Variants in POTEE observed in about 807,000 individuals in gnomAD.
POTEE encodes the protein ANKRD26-like family C member 1A.
POTEE carries 21 observed loss-of-function variants against 74.2 expected under a neutral mutation model. The ratio of observed to expected loss-of-function variants is 0.28; its 90% confidence interval spans 0.20 to 0.41. The LOEUF (loss-of-function observed/expected upper bound fraction) is 0.41, where lower values mean the gene tolerates loss of function less well. Among genes scored for constraint, POTEE ranks in the 10% least tolerant of loss-of-function variants. POTEE has a pLI of 1.00. For synonymous variants in POTEE, 211 were observed against 432.8 expected, an observed-to-expected ratio of 0.49 and a Z score of 6.36; for missense variants, 525 against 1,158.6, an observed-to-expected ratio of 0.45 and a Z score of 7.94.
chr2:131,211,668 T>A (rs1700362574), intron 2 of POTEE, among the ~76,000 whole-genome samples: 1 of 147,522 alleles, frequency 6.8e-6, no homozygotes, highest in Non-Finnish European at 1.5e-5. Context: ...TCCTCCTGCC[T>A]CAGCCTCCCT....
rs1251130356 is a variant in POTEE at position 131,218,757 on chromosome 2, G to A, written c.355G>A (p.Ala119Thr). The A allele has an allele frequency of 2.8e-5, 45 of 1,612,762 alleles. No individual in the cohort carries two copies. Among genetic ancestry groups the A allele is most frequent in the Middle Eastern group, 1.8e-4 (1 of 5,424 alleles). Residue 119 changes from alanine (A) to threonine (T), a missense_variant, in exon 4 of 18, where the codon GCT becomes ACT. Coordinates refer to ENST00000683005, the MANE Select transcript of POTEE (RefSeq NM_001083538.3). ...CRGSGKSKVG[A>T]WGDYDDSAFM... ...GGGGAGCGGCAAGAGCAAGGTGGGCGCTTGGGGAGACTACGATGACAGCGC... is the reference window on the plus strand; with the variant it reads ...GGGGAGCGGCAAGAGCAAGGTGGGCACTTGGGGAGACTACGATGACAGCGC...
At chr2:131,237,275 T>G (rs2105103521) in intron 10 of POTEE, among the ~76,000 whole-genome samples, 1 of 151,712 alleles carries the variant, frequency 6.6e-6, no homozygotes, top group East Asian at 2.0e-4. Context: ...GGATTCATGG[T>G]TAAGGAGTAA....
chr2:131,217,722 C>G (rs1455030942), intron 3 of POTEE, among the ~76,000 whole-genome samples, 39 bp downstream of exon 3: 1 of 150,640 alleles, frequency 6.6e-6, no homozygotes, highest in Non-Finnish European at 1.5e-5. Context: ...TGCCACGTGC[C>G]CTGACGCCAC....
At chr2:131,235,480 G>A (rs1476230456) in intron 9 of POTEE, among the ~76,000 whole-genome samples, 8 of 152,078 alleles carry the variant, frequency 5.3e-5, no homozygotes, top group East Asian at 1.9e-4. Context: ...CAAGGAAGAC[G>A]TTCTCATAGC....
chr2:131,236,881 A>T, intron 10 of POTEE, 79 bp downstream of exon 10: 2 of 492,176 alleles, frequency 4.1e-6, no homozygotes, highest in Non-Finnish European at 6.2e-6. Context: ...TCCAAATGAA[A>T]TTACCTTTCA....
At chr2:131,228,828 T>G (rs1280923297) in intron 8 of POTEE, among the ~76,000 whole-genome samples, 2 of 146,202 alleles carry the variant, frequency 1.4e-5, no homozygotes, top group African/African-American at 2.8e-5. Flanking sequence ...CAGTCCCTTT[T>G]ATCAAGTCAG....
chr2:131,212,897 C>T (rs1473831136), intron 2 of POTEE, among the ~76,000 whole-genome samples: 1 of 151,272 alleles, frequency 6.6e-6, no homozygotes, highest in African/African-American at 2.4e-5. Context: ...TTGCCATCTG[C>T]CTGAGCAAAC....
At position 131,225,177 on chromosome 2, in the gene POTEE, TCAA is replaced by T. The variant is rs1463749751; in HGVS notation, c.810+1138_810+1140del. The stretch of plus-strand genomic sequence containing the variant: ...TAACCTGAGGAAAATGTTTAAATAA[TCAA>T]CAAGTCTAGGCTTTTTCTGAATATT... On this transcript the variant is annotated intron_variant, in intron 6 of 17. Transcript: ENST00000683005. Among the ~76,000 whole-genome samples the T allele has an allele frequency of 4.9e-5, 7 of 144,110 alleles. No homozygotes were observed. In the East Asian group the frequency reaches 1.4e-3, roughly 30 times the overall value. 94.5% of individuals were successfully genotyped at this position (144,110 alleles called of 152,430 possible).
At chr2:131,224,796 A>G (rs1573705807) in intron 6 of POTEE, among the ~76,000 whole-genome samples, 2 of 151,672 alleles carry the variant, frequency 1.3e-5, no homozygotes, top group East Asian at 1.9e-4. Context: ...ATAGGTGGTA[A>G]TGTAAGAGGA....
chr2:131,219,654 G>A (rs182083028), intron 4 of POTEE, among the ~76,000 whole-genome samples: 4 of 151,914 alleles, frequency 2.6e-5, no homozygotes, highest in African/African-American at 4.8e-5. Flanking sequence ...GGAGAATGGC[G>A]TGAACCCGGG....
chr2:131,260,597 T>G (rs1010327296), intron 16 of POTEE, among the ~76,000 whole-genome samples: 7 of 149,538 alleles, frequency 4.7e-5, no homozygotes, highest in Non-Finnish European at 1.0e-4. Context: ...GATTGGATTG[T>G]TGATATGAAC....
At chr2:131,232,943 C>A (rs1256929288) in intron 9 of POTEE, among the ~76,000 whole-genome samples, 1 of 151,954 alleles carries the variant, frequency 6.6e-6, no homozygotes, top group South Asian at 2.1e-4. Flanking sequence ...TGGGTCACAC[C>A]ACATGCTCAT....
chr2:131,226,935 G>A lies in POTEE; in HGVS notation c.917+6G>A, dbSNP rs1559177494. ...GCACTGGATAGATATGGAAGGTATA[G>A]TTCTTTCTTTTAATCTGTGTGTTCT... On this transcript the variant is annotated splice_donor_region_variant and intron_variant, in intron 7 of 17. Transcript: ENST00000683005. 3.7e-6 allele frequency: 6 copies of A among 1,608,804 alleles called. No individual in the cohort carries two copies. The South Asian group carries it at 6.6e-5, about 18-fold the overall frequency.
At chr2:131,222,415 A>G (rs1278126102) in intron 4 of POTEE, among the ~76,000 whole-genome samples, 8 of 151,724 alleles carry the variant, frequency 5.3e-5, no homozygotes, top group African/African-American at 1.2e-4. Flanking sequence ...TTACAGGGTG[A>G]AGGGTGGGAG....
intron 9 of POTEE, among the ~76,000 whole-genome samples, chr2:131,231,562 A>C (rs1488566334): frequency 6.6e-6 from 1 of 152,076 alleles, no homozygotes; most frequent in African/African-American, 2.4e-5. Flanking sequence ...GCTTGTCCCA[A>C]TAAGGTCTCA....
intron 9 of POTEE, among the ~76,000 whole-genome samples, chr2:131,233,727 A>C (rs1701038281): frequency 6.6e-6 from 1 of 150,708 alleles, no homozygotes; most frequent in Non-Finnish European, 1.5e-5. Context: ...TTGTGTTCCC[A>C]GTGGCAGTGG....
intron 9 of POTEE, among the ~76,000 whole-genome samples, chr2:131,234,471 AG>A (rs1701066784): frequency 1.9e-5 from 2 of 106,014 alleles, no homozygotes; most frequent in African/African-American, 7.7e-5. Flanking sequence ...AAAAAGAGAA[AG>A]AGTGTTTTTT....
intron 4 of POTEE, among the ~76,000 whole-genome samples, chr2:131,222,012 C>G (rs1188396002): frequency 6.6e-6 from 1 of 152,290 alleles, no homozygotes; most frequent in Admixed American, 6.5e-5. Flanking sequence ...TGGGCTTGAG[C>G]AAGCTGAGAG....
Position 131,218,726 on chromosome 2 carries a change from C to T in POTEE, c.324C>T (p.Cys108=), listed in dbSNP as rs1387888197. The T allele has an allele frequency of 6.3e-7, 1 of 1,577,024 alleles. No homozygotes were observed. Among genetic ancestry groups the T allele is most frequent in the Admixed American group, 1.8e-5 (1 of 56,186 alleles). ...AGTGGTGCTGCCACTGCTTCCCCTGCTGCAGGGGGAGCGGCAAGAGCAAGG... is the reference window on the plus strand; with the variant it reads ...AGTGGTGCTGCCACTGCTTCCCCTGTTGCAGGGGGAGCGGCAAGAGCAAGG... ...MGKWCCHCFP[C]CRGSGKSKVG... is the part of the protein sequence containing the mutation. The change falls in exon 4 of 18, where the codon TGC becomes TGT. Residue 108 remains cysteine, a synonymous_variant. Coordinates refer to ENST00000683005, the MANE Select transcript of POTEE (RefSeq NM_001083538.3).
Sources: gnomAD v4.1 joint callset for allele counts (sites outside exome capture counted in the v4.1 genomes callset) on GRCh38, gnomAD v4.1.1 for gene constraint, MANE v1.5 for transcripts, NCBI Gene and HGNC (gene_info 2026-07-23, HGNC 2026-07-21) for gene names.